RPLP1: variants seen among roughly 807,000 people sequenced by gnomAD.
RPLP1 encodes the protein ribosomal protein lateral stalk subunit P1, also known as large ribosomal subunit protein P1.
In RPLP1, 4 loss-of-function variants were observed where a neutral mutation model predicts 11.6. The ratio of observed to expected loss-of-function variants is 0.34; its 90% confidence interval spans 0.17 to 0.79. The LOEUF (loss-of-function observed/expected upper bound fraction) is 0.79, where lower values mean the gene tolerates loss of function less well. Among genes scored for constraint, RPLP1 ranks in the 30% least tolerant of loss-of-function variants. RPLP1 has a pLI of 0.55. For synonymous variants in RPLP1, 54 were observed against 52.2 expected (o/e 1.03, Z -0.15); for missense variants, 133 against 142.8 (o/e 0.93, Z 0.35).
chr15:69,454,773 GTTC>G (rs1299908494), intron 2 of RPLP1: 2 of 154,032 alleles, frequency 1.3e-5, no homozygotes, highest in African/African-American at 4.8e-5. Context: ...GCCTCAGGAG[GTTC>G]TTAACATATA....
intron 2 of RPLP1, chr15:69,454,660 A>C (rs531309803): frequency 2.0e-5 from 3 of 152,392 alleles, no homozygotes; most frequent in African/African-American, 4.8e-5. Context: ...TTCACTGTTA[A>C]GAGGAGACAT....
rs544246404 is a variant in RPLP1 at position 69,455,411 on chromosome 15, T to G, written c.266-17T>G. 3.7e-6 allele frequency: 6 copies of G among 1,601,528 alleles called. No individual in the cohort carries two copies. The highest frequency in any genetic ancestry group is 5.1e-6 in the Non-Finnish European group (6 of 1,176,312). ...AAGTATGGAAATCCTAACACCTGATTGACTTTTTTTTTCTAGCTGAGGAGA... is the reference window on the plus strand; with the variant it reads ...AAGTATGGAAATCCTAACACCTGATGGACTTTTTTTTTCTAGCTGAGGAGA... On this transcript the variant is annotated splice_polypyrimidine_tract_variant and intron_variant, in intron 3 of 3. Coordinates refer to ENST00000260379, the MANE Select transcript of RPLP1 (RefSeq NM_001003.3).
intron 1 of RPLP1, chr15:69,453,346 G>C: frequency 1.7e-6 from 1 of 575,624 alleles, no homozygotes; most frequent in South Asian, 2.1e-5. Context: ...ACACTTACTC[G>C]GACCTCTTTC....
At chr15:69,453,535 A>G in intron 1 of RPLP1, 112 bp from the exon 2 acceptor site, 1 of 1,166,114 alleles carries the variant, frequency 8.6e-7, no homozygotes. Flanking sequence ...TGCTTGTGAT[A>G]GAATATTTGA....
chr15:69,453,101 C>G (rs1892375985), intron 1 of RPLP1, 81 bp downstream of exon 1: 16 of 1,307,904 alleles, frequency 1.2e-5, no homozygotes, highest in Non-Finnish European at 1.7e-5. Flanking sequence ...GGCTCCAGGC[C>G]GTTCGACTGA....
intron 2 of RPLP1, 94 bp downstream of exon 2, chr15:69,453,815 C>T (rs1021819231): frequency 7.2e-6 from 9 of 1,244,356 alleles, no homozygotes; most frequent in Middle Eastern, 1.9e-4. Flanking sequence ...GCCATAACGC[C>T]CCACATGCCG....
chr15:69,455,518 T>TTGAACTA lies in RPLP1; in HGVS notation c.*11_*12insTGAACTA. 1.3e-6 allele frequency: 2 copies of TTGAACTA among 1,584,908 alleles called. No individual in the cohort carries two copies. The highest frequency in any genetic ancestry group is 1.7e-6 in the Non-Finnish European group (2 of 1,165,626). On this transcript the variant is annotated 3_prime_UTR_variant, in exon 4 of 4. Transcript: ENST00000260379. ...GGTCTTTTTGACTAAACCTCTTTTA[T>TTGAACTA]AACATGTTCAATAAAAAGCTGAACT...
In RPLP1 at chr15:69,455,886, G is replaced by A. The variant is rs1448214955; in HGVS notation, c.*379G>A. The A allele has an allele frequency of 1.2e-5, 2 of 171,466 alleles. No homozygotes were observed. Among genetic ancestry groups the A allele is most frequent in the Non-Finnish European group, 2.5e-5 (2 of 80,370 alleles). 10.6% of individuals were successfully genotyped at this position (171,466 alleles called of 1,614,324 possible). ...CTGGGTATTTACCCTATACAACCCT[G>A]CCTAAGAACGAACTTTGACGTATGC... On this transcript the variant is annotated 3_prime_UTR_variant, in exon 4 of 4. Coordinates refer to ENST00000260379, the MANE Select transcript of RPLP1 (RefSeq NM_001003.3).
rs113827198 is a variant in RPLP1 at position 69,452,818 on chromosome 15, C to A, written c.-131C>A. ...AAGAGGCTGCGTATAGGCGCGAGAG[C>A]CCCTTTCCTCAGCTGCCGCCAAGGT... is the stretch of plus-strand genomic sequence containing the variant. On this transcript the variant is annotated 5_prime_UTR_variant, in exon 1 of 4. Transcript: ENST00000260379. 3 of 808,488 alleles carry A rather than the reference C, an allele frequency of 3.7e-6. No homozygotes were observed. Among genetic ancestry groups the A allele is most frequent in the Non-Finnish European group, 4.0e-6 (2 of 495,442 alleles). 50.1% of individuals were successfully genotyped at this position (808,488 alleles called of 1,614,324 possible).
intron 2 of RPLP1, chr15:69,454,358 T>TG (rs1467686488): frequency 3.3e-5 from 5 of 152,722 alleles, no homozygotes; most frequent in Admixed American, 6.5e-5. Context: ...AGTAAATTCT[T>TG]GCATTAAACC....
chr15:69,454,446 T>TA (rs1193053520), intron 2 of RPLP1: 1 of 152,208 alleles, frequency 6.6e-6, no homozygotes, highest in Admixed American at 6.5e-5. Flanking sequence ...AAAAGACTAA[T>TA]AAAGAGGTTC....
At chr15:69,453,166 T>G (rs1421255678) in intron 1 of RPLP1, 146 bp downstream of exon 1, 2 of 761,538 alleles carry the variant, frequency 2.6e-6, no homozygotes, top group Non-Finnish European at 4.3e-6. Context: ...CGGGCGCTCC[T>G]CGGGGCTGGG....
chr15:69,452,867 A>C lies in RPLP1; in HGVS notation c.-82A>C. 1 of 1,312,322 alleles carries C rather than the reference A, an allele frequency of 7.6e-7. No homozygotes were observed. Among genetic ancestry groups the C allele is most frequent in the Non-Finnish European group, 1.1e-6 (1 of 939,862 alleles). The allele number at this position is 1,312,322 out of a possible 1,614,324, so 81.3% of individuals were successfully genotyped here. A position where few individuals can be genotyped will look rare whatever the true frequency, so the allele number is the denominator to read the frequency against. On this transcript the variant is annotated 5_prime_UTR_variant, in exon 1 of 4. Transcript: ENST00000260379. ...GTGCTCGGTCCTTCCGAGGAAGCTA[A>C]GGCTGCGTTGGGGTGAGGCCCTCAC...
chr15:69,453,763 A>G, intron 2 of RPLP1, 42 bp downstream of exon 2: 4 of 1,606,304 alleles, frequency 2.5e-6, no homozygotes, highest in Non-Finnish European at 2.6e-6. Context: ...AGGCCTGCTG[A>G]TTTACGAGGG....
rs1188771591 is a variant in RPLP1, at chr15:69,455,734, C to G, written c.*227C>G. Reference sequence around the variant, plus strand: ...TCATGGTACAGTGTTGAAAACTGCACTGGGGTGGCAGGAGGAAGGATCAGA... The same window carrying G: ...TCATGGTACAGTGTTGAAAACTGCAGTGGGGTGGCAGGAGGAAGGATCAGA... On this transcript the variant is annotated 3_prime_UTR_variant, in exon 4 of 4. Transcript: ENST00000260379. The G allele has an allele frequency of 5.5e-6, 3 of 543,070 alleles. No individual in the cohort carries two copies. In the African/African-American group the frequency reaches 5.7e-5, roughly 10 times the overall value. The allele number at this position is 543,070 out of a possible 1,614,324, so 33.6% of individuals were successfully genotyped here. A position where few individuals can be genotyped will look rare whatever the true frequency, so the allele number is the denominator to read the frequency against.
intron 2 of RPLP1, chr15:69,454,041 T>A (rs1892397559): frequency 3.0e-6 from 1 of 335,026 alleles, no homozygotes; most frequent in African/African-American, 2.2e-5. Context: ...CTTTTTCTTT[T>A]TCTTTTTTTT....
At chr15:69,453,548 T>C (rs758742204) in intron 1 of RPLP1, 99 bp from the exon 2 acceptor site, 15 of 1,277,574 alleles carry the variant, frequency 1.2e-5, no homozygotes, top group Non-Finnish European at 1.7e-5. Context: ...ATATTTGAGC[T>C]GGTTAAACAT....
chr15:69,452,850 T>C lies in RPLP1; in HGVS notation c.-99T>C. The C allele has an allele frequency of 8.8e-7, 1 of 1,137,146 alleles. No individual in the cohort carries two copies. The highest frequency in any genetic ancestry group is 2.6e-5 in the East Asian group (1 of 38,816). The allele number at this position is 1,137,146 out of a possible 1,614,324, so 70.4% of individuals were successfully genotyped here. Reference sequence around the variant, plus strand: ...CCTCAGCTGCCGCCAAGGTGCTCGGTCCTTCCGAGGAAGCTAAGGCTGCGT... The same window carrying C: ...CCTCAGCTGCCGCCAAGGTGCTCGGCCCTTCCGAGGAAGCTAAGGCTGCGT... On this transcript the variant is annotated 5_prime_UTR_variant, in exon 1 of 4. Coordinates refer to ENST00000260379, the MANE Select transcript of RPLP1 (RefSeq NM_001003.3).
At chr15:69,454,407 GAC>G (rs755110866) in intron 2 of RPLP1, 1 of 152,410 alleles carries the variant, frequency 6.6e-6, no homozygotes, top group Non-Finnish European at 1.5e-5. Context: ...GGACTTCATT[GAC>G]ACAGTAGGTA....
Sources: gnomAD v4.1 joint callset for allele counts on GRCh38, gnomAD v4.1.1 for gene constraint, MANE v1.5 for transcripts, NCBI Gene and HGNC (gene_info 2026-07-23, HGNC 2026-07-21) for gene names.